The following DYNC2H1 variants were observed in gnomAD, a reference collection of about 807,000 sequenced individuals.
DYNC2H1 encodes the protein cytoplasmic dynein 2 heavy chain 1.
DYNC2H1 carries 410 observed loss-of-function variants against 570.0 expected under a neutral mutation model. That is an observed-to-expected ratio of 0.72 (90% CI 0.66 to 0.78). DYNC2H1 has a LOEUF of 0.78. Ranked by LOEUF, DYNC2H1 falls within the 30% of genes least tolerant of loss-of-function variation. The pLI, the probability that DYNC2H1 is intolerant of heterozygous loss-of-function variation, is 0.00. For missense variants in DYNC2H1, 4,865 were observed against 5,046.4 expected (o/e 0.96, Z 1.09); for synonymous variants, 1,688 against 1,677.6 (o/e 1.01, Z -0.15).
intron 69 of DYNC2H1, 147 bp from the exon 70 acceptor site, chr11:103,259,741 C>G (rs887690727): frequency 4.0e-5 from 20 of 499,948 alleles, no homozygotes; most frequent in Non-Finnish European, 6.6e-5. Context: ...TATTAGTATA[C>G]AAGTTTAATG....
At chr11:103,284,099 C>T (rs1591522248) in intron 73 of DYNC2H1, among the ~76,000 whole-genome samples, 1 of 152,042 alleles carries the variant, frequency 6.6e-6, no homozygotes, top group Non-Finnish European at 1.5e-5. Flanking sequence ...AATCAGATTC[C>T]TCATTCCCCA....
At chr11:103,222,470 AGGTATCTGTTTTAGGACAGT>A (rs1024296862) in intron 58 of DYNC2H1, among the ~76,000 whole-genome samples, 2 of 152,114 alleles carry the variant, frequency 1.3e-5, no homozygotes, top group Non-Finnish European at 2.9e-5. Flanking sequence ...AGATAACAAC[AGGTATCTGTTTTAGGACAGT>A]GGTATCTAAT....
In DYNC2H1 at chr11:103,399,832, C is replaced by T. The variant is rs1413844348; in HGVS notation, c.12326C>T (p.Ser4109Leu). ...ATCAGAGGAACTACTTTACTGAGTT[C>T]AGAAGTACAAAAATTGGCAAGTGCT... is the stretch of plus-strand genomic sequence containing the variant. The part of the protein sequence containing the change: ...KVIRGTTLLS[S>L]EVQKLASALL... The change falls in exon 84 of 89, where the codon TCA (serine) becomes TTA (leucine). Residue 4109 changes from serine (S) to leucine (L), a missense_variant. This residue lies in a region of DYNC2H1 where 2,401 missense variants were observed against 2,454.6 expected (regional missense o/e 0.98). Coordinates refer to ENST00000375735, the MANE Select transcript of DYNC2H1 (RefSeq NM_001377.3). 6 of 1,613,704 alleles carry T rather than the reference C, an allele frequency of 3.7e-6. No individual in the cohort carries two copies. In the African/African-American group the frequency reaches 8.0e-5, roughly 22 times the overall value.
chr11:103,327,095 A>C (rs1415706388), intron 82 of DYNC2H1, among the ~76,000 whole-genome samples: 2 of 151,996 alleles, frequency 1.3e-5, no homozygotes, highest in Non-Finnish European at 2.9e-5. Context: ...AACAGCCCCG[A>C]GCATTATGTT....
chr11:103,316,476 C>A (rs7103282), intron 79 of DYNC2H1, 69 bp from the exon 80 acceptor site: 1 of 1,027,030 alleles, frequency 9.7e-7, no homozygotes, highest in Non-Finnish European at 1.4e-6. Flanking sequence ...AATTTAAAGA[C>A]AGTGATACAT....
chr11:103,324,081 C>A lies in DYNC2H1; in HGVS notation c.12039+91C>A. ...ACTTGATTTAGTACTGTAGACCCCA[C>A]AAGCTTTATTTAAACATTTTATTTT... On this transcript the variant is annotated intron_variant, in intron 82 of 88. Coordinates refer to ENST00000375735, the MANE Select transcript of DYNC2H1 (RefSeq NM_001377.3). This position sits in a 1 kb window ranked among gnomAD's most constrained non-coding sequence, Gnocchi z 5.2. 1.6e-6 allele frequency: 1 copy of A among 644,844 alleles called. No individual in the cohort carries two copies. Among genetic ancestry groups the A allele is most frequent in the Non-Finnish European group, 2.3e-6 (1 of 433,494 alleles). The allele number at this position is 644,844 out of a possible 1,614,324, so 39.9% of individuals were successfully genotyped here. A position where few individuals can be genotyped will look rare whatever the true frequency, so the allele number is the denominator to read the frequency against.
chr11:103,362,098 T>C (rs76627038), intron 83 of DYNC2H1, among the ~76,000 whole-genome samples: 1,702 of 152,116 alleles, frequency 0.011, 34 homozygotes, highest in African/African-American at 0.039. Context: ...TGAAATAAGG[T>C]GATCAAGATA....
At chr11:103,374,861 A>G (rs1941327760) in intron 83 of DYNC2H1, among the ~76,000 whole-genome samples, 2 of 152,174 alleles carry the variant, frequency 1.3e-5, no homozygotes, top group South Asian at 4.1e-4. Context: ...ACAAAAACCC[A>G]TTTTCTGGGA....
intron 85 of DYNC2H1, among the ~76,000 whole-genome samples, chr11:103,440,580 G>A (rs1001546779): frequency 5.3e-5 from 8 of 152,074 alleles, no homozygotes; most frequent in Admixed American, 3.9e-4. Flanking sequence ...ATTAATTATT[G>A]TTATTAGTAA....
intron 50 of DYNC2H1, 92 bp downstream of exon 50, chr11:103,200,246 G>A (rs913384097): frequency 1.3e-5 from 13 of 1,010,060 alleles, no homozygotes; most frequent in Non-Finnish European, 1.7e-5. Context: ...ATTTGTTTTG[G>A]AGAACTTTTG....
At chr11:103,266,044 G>A (rs1865489981) in intron 70 of DYNC2H1, among the ~76,000 whole-genome samples, 1 of 121,452 alleles carries the variant, frequency 8.2e-6, no homozygotes, top group Non-Finnish European at 1.6e-5. Context: ...ATCCACTGTG[G>A]TTGGGAATCC....
chr11:103,427,619 T>C (rs1217717546), intron 84 of DYNC2H1, among the ~76,000 whole-genome samples: 2 of 152,098 alleles, frequency 1.3e-5, no homozygotes, highest in African/African-American at 2.4e-5. Flanking sequence ...TCTGGTGGTA[T>C]CTGATAAAAG....
Position 103,152,113 on chromosome 11 carries a change from G to T in DYNC2H1, c.2947-23G>T, listed in dbSNP as rs201239364. 299 of 1,369,560 alleles carry T rather than the reference G, an allele frequency of 2.2e-4. 1 individual carries two copies. The highest frequency in any genetic ancestry group is 1.4e-3 in the African/African-American group (93 of 67,394). The allele number at this position is 1,369,560 out of a possible 1,614,324, so 84.8% of individuals were successfully genotyped here. On this transcript the variant is annotated intron_variant, in intron 20 of 88. Transcript: ENST00000375735. ...GATAAAATAGGTTGTTATTCAATTT[G>T]TTTTTTTTTTTTTAACCTTTAGATT...
Position 103,204,734 on chromosome 11 carries a change from ACT to A in DYNC2H1, c.8312-87_8312-86del. Reference sequence around the variant, plus strand: ...GTGCTCGTTTTAAGAAACAACTCCTACTATTTCATTTGAGAAAATTTTGATCT... The same window carrying A: ...GTGCTCGTTTTAAGAAACAACTCCTAATTTCATTTGAGAAAATTTTGATCT... On this transcript the variant is annotated intron_variant, in intron 51 of 88. Coordinates refer to ENST00000375735, the MANE Select transcript of DYNC2H1 (RefSeq NM_001377.3). This position sits in a 1 kb window ranked among gnomAD's most constrained non-coding sequence, Gnocchi z 4.1. 6 of 938,152 alleles carry A rather than the reference ACT, an allele frequency of 6.4e-6. No homozygotes were observed. In the South Asian group the frequency reaches 1.1e-4, roughly 18 times the overall value. 58.1% of individuals were successfully genotyped at this position (938,152 alleles called of 1,614,324 possible). A position where few individuals can be genotyped will look rare whatever the true frequency, so the allele number is the denominator to read the frequency against.
Position 103,168,841 on chromosome 11 carries a change from C to A in DYNC2H1, c.4849C>A (p.Gln1617Lys), listed in dbSNP as rs1861444607. 6.2e-7 allele frequency: 1 copy of A among 1,613,250 alleles called. No homozygotes were observed. The highest frequency in any genetic ancestry group is 8.5e-7 in the Non-Finnish European group (1 of 1,179,532). The change falls in exon 32 of 89, where the codon CAG (glutamine) becomes AAG (lysine). Residue 1617 changes from glutamine to lysine, a missense_variant. By Grantham distance (53) the Gln-to-Lys change is moderately conservative. Coordinates refer to ENST00000375735, the MANE Select transcript of DYNC2H1 (RefSeq NM_001377.3). ...IDVVKQLNQI[Q>K]VHTTEDWAWK... ...TGTGGTAAAGCAGTTAAACCAAATT[C>A]AGGTTCATACAACTGAAGACTGGGC...
At chr11:103,112,864 A>C (rs12288585) in intron 1 of DYNC2H1, among the ~76,000 whole-genome samples, 5,326 of 152,324 alleles carry the variant, frequency 0.035, 321 homozygotes, top group African/African-American at 0.12. Context: ...ACTCATTACT[A>C]TGAACTGACC....
rs1340994856 is a variant in DYNC2H1, at chr11:103,241,929, T to C, written c.9820-1764T>C. 6.6e-6 allele frequency among the ~76,000 whole-genome samples: 1 copy of C among 152,038 alleles called. No homozygotes were observed. Among genetic ancestry groups the C allele is most frequent in the Non-Finnish European group, 1.5e-5 (1 of 67,990 alleles). ...CTTTAATATCACCGTGTGCTAGCAA[T>C]TGTAAACAGCATTGGTGATATAAAA... On this transcript the variant is annotated intron_variant, in intron 63 of 88. Transcript: ENST00000375735. This position sits in a 1 kb window ranked among gnomAD's most constrained non-coding sequence, Gnocchi z 5.1.
Position 103,173,293 on chromosome 11 carries a change from TC to T in DYNC2H1, c.5547del (p.Phe1849LeufsTer8), listed in dbSNP as rs771003300. 8.3e-6 allele frequency: 13 copies of T among 1,572,194 alleles called. No individual in the cohort carries two copies. Among genetic ancestry groups the T allele is most frequent in the Non-Finnish European group, 1.0e-5 (12 of 1,161,740 alleles). On this transcript the variant is annotated frameshift_variant, in exon 35 of 89. Transcript: ENST00000375735. LOFTEE classifies it high-confidence loss of function. ...KVLSRKLVAI[F>X]NLSRELLTPQ... ...TTGAGCAGAAAATTGGTAGCTATTTTCAATCTATCTAGGTGAGTTTTCTTGT... is the reference window on the plus strand; with the variant it reads ...TTGAGCAGAAAATTGGTAGCTATTTTAATCTATCTAGGTGAGTTTTCTTGT...
At chr11:103,123,537 C>A (rs1035337912) in intron 11 of DYNC2H1, among the ~76,000 whole-genome samples, 1 of 151,982 alleles carries the variant, frequency 6.6e-6, no homozygotes, top group Non-Finnish European at 1.5e-5. Context: ...GGAAACTGAA[C>A]GGTGTTAGGG....
Sources: gnomAD v4.1 joint callset for allele counts (sites outside exome capture counted in the v4.1 genomes callset) on GRCh38, gnomAD v4.1.1 for gene constraint, gnomAD v4.1.1 regional missense constraint, Gnocchi (gnomAD v3.1) non-coding constraint, MANE v1.5 for transcripts, NCBI Gene and HGNC (gene_info 2026-07-23, HGNC 2026-07-21) for gene names.